GNA14: variants seen among roughly 807,000 people sequenced by gnomAD.
GNA14 encodes the protein G protein subunit alpha 14.
In GNA14, 50 loss-of-function variants were observed where a neutral mutation model predicts 42.0. That is an observed-to-expected ratio of 1.19 (90% CI 0.95 to 1.51). The LOEUF is 1.51. GNA14 is among the 40% of genes most tolerant of loss of function. The pLI is 0.00. For synonymous variants in GNA14, 173 were observed against 163.1 expected, an observed-to-expected ratio of 1.06 and a Z score of -0.46; for missense variants, 473 against 446.2, an observed-to-expected ratio of 1.06 and a Z score of -0.54.
rs562031127 is a variant in GNA14, at chr9:77,529,272, G to A, written c.125-19C>T. 6.3e-7 allele frequency: 1 copy of A among 1,599,076 alleles called. No homozygotes were observed. The highest frequency in any genetic ancestry group is 8.6e-7 in the Non-Finnish European group (1 of 1,166,418). ...CCAGTTCCTATAAGACAAAACAAGT[G>A]GAAAACGCTGTCAGCAGACTTCCAA... is the stretch of plus-strand genomic sequence containing the variant. On this transcript the variant is annotated intron_variant, in intron 1 of 6. Transcript: ENST00000341700.
chr9:77,516,070 G>A (rs1018664523), intron 2 of GNA14, among the ~76,000 whole-genome samples: 1 of 149,000 alleles, frequency 6.7e-6, no homozygotes, highest in East Asian at 2.1e-4. Context: ...TACATGACCC[G>A]CAAGCAGAGA....
intron 4 of GNA14, among the ~76,000 whole-genome samples, chr9:77,431,024 T>TTG (rs10631280): frequency 0.12 from 12,173 of 101,238 alleles, 637 homozygotes; most frequent in Middle Eastern, 0.24. Context: ...AAGTATACAT[T>TTG]TGTGTGTGTG....
chr9:77,526,266 T>C (rs1343682113), intron 2 of GNA14, among the ~76,000 whole-genome samples: 1 of 152,006 alleles, frequency 6.6e-6, no homozygotes, highest in Non-Finnish European at 1.5e-5. Flanking sequence ...TTAGAGTTGA[T>C]GCTGGAATGG....
intron 2 of GNA14, among the ~76,000 whole-genome samples, chr9:77,515,234 G>A (rs1187603074): frequency 6.6e-6 from 1 of 152,228 alleles, no homozygotes; most frequent in African/African-American, 2.4e-5. Context: ...CTACAAAGGT[G>A]GGGAAAAGTA....
chr9:77,580,232 G>T (rs1165814422), intron 1 of GNA14: 2 of 288,600 alleles, frequency 6.9e-6, no homozygotes, highest in East Asian at 1.8e-4. Context: ...GCAAGGCCAG[G>T]TGATGCTCCA....
At chr9:77,572,622 T>C (rs1012510192) in intron 1 of GNA14, among the ~76,000 whole-genome samples, 9 of 104,678 alleles carry the variant, frequency 8.6e-5, no homozygotes, top group Middle Eastern at 4.6e-3. Context: ...TAAAATTAAC[T>C]AGCAACAAAT....
intron 2 of GNA14, among the ~76,000 whole-genome samples, chr9:77,478,311 A>T (rs1483321085): frequency 6.6e-6 from 1 of 152,036 alleles, no homozygotes; most frequent in Non-Finnish European, 1.5e-5. Context: ...GTTTACTGAG[A>T]ATGATGATTT....
chr9:77,476,083 A>T (rs1248501108), intron 2 of GNA14, among the ~76,000 whole-genome samples: 1 of 152,260 alleles, frequency 6.6e-6, no homozygotes, highest in African/African-American at 2.4e-5. Context: ...AATTTGGGAA[A>T]TTGGAATTCA....
intron 2 of GNA14, among the ~76,000 whole-genome samples, chr9:77,490,698 G>A (rs573939280): frequency 1.4e-4 from 22 of 152,276 alleles, no homozygotes; most frequent in South Asian, 2.1e-4. Context: ...CCAAGCCCAC[G>A]CCCACCCGGA....
At chr9:77,531,114 A>G (rs574258530) in intron 1 of GNA14, among the ~76,000 whole-genome samples, 1 of 152,308 alleles carries the variant, frequency 6.6e-6, no homozygotes, top group South Asian at 2.1e-4. Flanking sequence ...GCTTGCAAAT[A>G]TATCTCTCAC....
intron 1 of GNA14, among the ~76,000 whole-genome samples, chr9:77,618,613 T>C (rs1823867825): frequency 7.1e-5 from 1 of 14,036 alleles, no homozygotes; most frequent in Non-Finnish European, 1.3e-4. Flanking sequence ...TATATATATA[T>C]ATATATATTT....
chr9:77,467,834 G>A (rs1836263779), intron 2 of GNA14, among the ~76,000 whole-genome samples: 1 of 151,894 alleles, frequency 6.6e-6, no homozygotes, highest in Admixed American at 6.6e-5. Flanking sequence ...GTGTTAGGGT[G>A]GGGGAGGGAA....
intron 2 of GNA14, among the ~76,000 whole-genome samples, chr9:77,436,268 A>G (rs980796235): frequency 6.6e-6 from 1 of 152,234 alleles, no homozygotes; most frequent in Non-Finnish European, 1.5e-5. Context: ...CCTGGGAATC[A>G]GGACCCTGAG....
At chr9:77,537,389 T>G (rs915712072) in intron 1 of GNA14, among the ~76,000 whole-genome samples, 2 of 152,202 alleles carry the variant, frequency 1.3e-5, no homozygotes, top group African/African-American at 4.8e-5. Context: ...TTTACATCCA[T>G]GTTGCTGCAA....
intron 1 of GNA14, among the ~76,000 whole-genome samples, chr9:77,618,913 G>A (rs1432225373): frequency 1.3e-5 from 2 of 151,424 alleles, no homozygotes; most frequent in Non-Finnish European, 2.9e-5. Flanking sequence ...GATTACAGGC[G>A]TGAGCCACCG....
rs184024002 is a variant in GNA14, at chr9:77,538,474, G to A, written c.125-9221C>T. On this transcript the variant is annotated intron_variant, in intron 1 of 6. Transcript: ENST00000341700. ...TTTTTCTCATGCCGTGAAATATGAT[G>A]TTGGTATTCTGATAAGGATTGCATT... is the stretch of plus-strand genomic sequence containing the variant. Among the ~76,000 whole-genome samples, 4 of 152,078 alleles carry A rather than the reference G, an allele frequency of 2.6e-5. No individual in the cohort carries two copies. The East Asian group carries it at 7.7e-4, about 29-fold the overall frequency.
intron 1 of GNA14, among the ~76,000 whole-genome samples, chr9:77,586,742 C>T (rs1348814133): frequency 6.6e-6 from 1 of 152,240 alleles, no homozygotes; most frequent in Non-Finnish European, 1.5e-5. Context: ...CGTGAAGAAG[C>T]TGGCCACCCC....
chr9:77,431,530 C>G (rs555919474), intron 3 of GNA14, 81 bp from the exon 4 acceptor site: 29 of 1,298,304 alleles, frequency 2.2e-5, no homozygotes, highest in South Asian at 7.0e-5. Flanking sequence ...AGTCACCCCC[C>G]ACTCACAGTG....
intron 1 of GNA14, among the ~76,000 whole-genome samples, chr9:77,532,244 A>T (rs570106759): frequency 3.0e-4 from 46 of 152,322 alleles, no homozygotes; most frequent in African/African-American, 1.1e-3. Context: ...TGCACGTCCC[A>T]GGATAGCACC....
Sources: allele counts gnomAD v4.1 joint callset (sites outside exome capture counted in the v4.1 genomes callset), GRCh38; gene constraint gnomAD v4.1.1; transcripts MANE v1.5; gene names NCBI Gene and HGNC (gene_info 2026-07-23, HGNC 2026-07-21).